MGST1: variants seen among roughly 807,000 people sequenced by gnomAD.
The protein encoded by MGST1 is microsomal glutathione S-transferase 1.
In MGST1, 5 loss-of-function variants were observed where a neutral mutation model predicts 8.9. That is an observed-to-expected ratio of 0.56 (90% CI 0.29 to 1.19). MGST1 has a LOEUF of 1.19. Ranked by LOEUF, MGST1 falls within the 50% of genes most tolerant of loss-of-function variation. The probability of loss-of-function intolerance (pLI) is 0.08; values close to 1 mark genes in which losing one functional copy is unlikely to be tolerated. For synonymous variants in MGST1, 54 were observed against 67.8 expected (o/e 0.80, Z 1.00); for missense variants, 182 against 187.4 (o/e 0.97, Z 0.17).
downstream of MGST1, among the ~76,000 whole-genome samples, chr12:16,365,754 C>T (rs932592927): frequency 2.6e-5 from 4 of 152,188 alleles, no homozygotes; most frequent in Non-Finnish European, 4.4e-5. Context: ...CACACACACA[C>T]ACACACACAC....
Position 16,363,726 on chromosome 12 carries a change from G to T in MGST1, c.222-69G>T. 1 of 1,322,888 alleles carries T rather than the reference G, an allele frequency of 7.6e-7. No homozygotes were observed. The highest frequency in any genetic ancestry group is 1.0e-6 in the Non-Finnish European group (1 of 990,790). The allele number at this position is 1,322,888 out of a possible 1,614,324, so 81.9% of individuals were successfully genotyped here. On this transcript the variant is annotated intron_variant, in intron 3 of 3. Transcript: ENST00000396210. The surrounding 1 kb of genome is among the most constrained non-coding windows in gnomAD (Gnocchi z 4.6). ...TAGTGCTCAGATTTAGTTTTTAGAA[G>T]AGAGAGAAAAAAGGATACATATCTA...
chr12:16,470,876 T>G (rs1057193043), intron 4 of MGST1, among the ~76,000 whole-genome samples: 1 of 152,226 alleles, frequency 6.6e-6, no homozygotes, highest in Non-Finnish European at 1.5e-5. Context: ...TTGAGATCAT[T>G]TAAAACAAAA....
chr12:16,398,064 T>C (rs982056297), intron 1 of MGST1, among the ~76,000 whole-genome samples: 1 of 147,394 alleles, frequency 6.8e-6, no homozygotes, highest in Admixed American at 6.9e-5. Context: ...TCTTATAGAG[T>C]TTTTTTTCCA....
chr12:16,458,792 ATTC>A lies in MGST1; in HGVS notation n.482+75194_482+75196del, dbSNP rs1565458763. On this transcript the variant is annotated intron_variant and non_coding_transcript_variant, in intron 4 of 4. Transcript: ENST00000538857. The surrounding 1 kb of genome is among the most constrained non-coding windows in gnomAD (Gnocchi z 4.0). Reference sequence around the variant, plus strand: ...TGCTTTGCAGTTATTCGGAATTTTTATTCTTCTTTATTAGATACAAGGTTTCCC... The same window carrying A: ...TGCTTTGCAGTTATTCGGAATTTTTATTCTTTATTAGATACAAGGTTTCCC... Among the ~76,000 whole-genome samples the A allele has an allele frequency of 6.6e-6, 1 of 151,930 alleles. No homozygotes were observed. Among genetic ancestry groups the A allele is most frequent in the Non-Finnish European group, 1.5e-5 (1 of 67,946 alleles).
intron 4 of MGST1, among the ~76,000 whole-genome samples, chr12:16,530,329 A>G (rs1012762923): frequency 2.0e-5 from 3 of 151,978 alleles, no homozygotes; most frequent in Admixed American, 6.6e-5. Flanking sequence ...TAAAATGTCA[A>G]GCTTTTGTTT....
intron 4 of MGST1, among the ~76,000 whole-genome samples, chr12:16,478,075 G>A (rs970569921): frequency 1.3e-5 from 2 of 152,176 alleles, no homozygotes; most frequent in Non-Finnish European, 2.9e-5. Context: ...CTGTGGCCAG[G>A]CTGGACTGCA....
At chr12:16,574,407 G>A (rs930639407) in intron 4 of MGST1, among the ~76,000 whole-genome samples, 1 of 151,982 alleles carries the variant, frequency 6.6e-6, no homozygotes, top group African/African-American at 2.4e-5. Context: ...CCCCAGTCAC[G>A]GATTTGCTGC....
In MGST1 at chr12:16,587,629, A is replaced by G. The variant is rs1305563578; in HGVS notation, n.483-1899A>G. ...TGTCAGTGTATCATTTTTTTAAGCAATGGACCCTATAATAGCAAGCACTGG... is the reference window on the plus strand; with the variant it reads ...TGTCAGTGTATCATTTTTTTAAGCAGTGGACCCTATAATAGCAAGCACTGG... On this transcript the variant is annotated intron_variant and non_coding_transcript_variant, in intron 4 of 4. Coordinates refer to the MGST1 transcript ENST00000538857. This position sits in a 1 kb window ranked among gnomAD's most constrained non-coding sequence, Gnocchi z 4.3. 1.3e-5 allele frequency among the ~76,000 whole-genome samples: 2 copies of G among 152,014 alleles called. No homozygotes were observed. Among genetic ancestry groups the G allele is most frequent in the East Asian group, 3.9e-4 (2 of 5,170 alleles).
intron 4 of MGST1, among the ~76,000 whole-genome samples, chr12:16,464,242 T>G (rs1389886594): frequency 6.6e-6 from 1 of 152,234 alleles, no homozygotes; most frequent in Non-Finnish European, 1.5e-5. Context: ...AAAGTACCAT[T>G]TATTTCATTA....
intron 1 of MGST1, among the ~76,000 whole-genome samples, chr12:16,407,317 G>A (rs1185357512): frequency 3.3e-5 from 5 of 152,096 alleles, no homozygotes; most frequent in Admixed American, 3.3e-4. Flanking sequence ...AGAAAAGCTT[G>A]ATATCACTGA....
At chr12:16,354,507 T>G (rs879008755) in intron 2 of MGST1, 129 bp downstream of exon 2, 1 of 844,548 alleles carries the variant, frequency 1.2e-6, no homozygotes, top group Non-Finnish European at 1.8e-6. Context: ...AAGTGAAGTA[T>G]GCCATCGTTT....
chr12:16,542,813 T>C (rs1326279832), intron 4 of MGST1, among the ~76,000 whole-genome samples: 1 of 152,178 alleles, frequency 6.6e-6, no homozygotes, highest in Non-Finnish European at 1.5e-5. Context: ...ATATATCTGT[T>C]CAACATCTGT....
Position 16,531,156 on chromosome 12 carries a change from C to CA in MGST1, n.483-58346dup, listed in dbSNP as rs5796677. Among the ~76,000 whole-genome samples, 22 of 46,544 alleles carry CA rather than the reference C, an allele frequency of 4.7e-4. 1 individual carries two copies. Among genetic ancestry groups the CA allele is most frequent in the African/African-American group, 1.5e-3 (19 of 12,430 alleles). 30.5% of individuals were successfully genotyped at this position (46,544 alleles called of 152,430 possible). On this transcript the variant is annotated intron_variant and non_coding_transcript_variant, in intron 4 of 4. Coordinates refer to the MGST1 transcript ENST00000538857. ...GAATTGTCTTCACCTTACCCCTGAC[C>CA]AAAAAAAAAAAAAAAAAAAAAAAAA...
intron 4 of MGST1, among the ~76,000 whole-genome samples, chr12:16,553,036 G>A (rs2137259060): frequency 6.6e-6 from 1 of 152,172 alleles, no homozygotes; most frequent in South Asian, 2.1e-4. Context: ...GAGTAGAAAT[G>A]AAATATCTAA....
intron 4 of MGST1, among the ~76,000 whole-genome samples, chr12:16,521,894 A>G (rs186122392): frequency 6.6e-6 from 1 of 152,240 alleles, no homozygotes; most frequent in East Asian, 1.9e-4. Context: ...CGAGAACACT[A>G]TTGTCAAGAG....
chr12:16,551,331 A>C lies in MGST1; in HGVS notation n.483-38197A>C, dbSNP rs776399918. The C allele has an allele frequency of 8.5e-6, 13 of 1,521,486 alleles. 1 individual carries two copies. The South Asian group carries it at 1.0e-4, about 12-fold the overall frequency. The allele number at this position is 1,521,486 out of a possible 1,614,324, so 94.2% of individuals were successfully genotyped here. ...AAATTTGTCTCCAACACAAAATCTG[A>C]AAATATTTTAAACAATAAAATGTGG... is the stretch of plus-strand genomic sequence containing the variant. On this transcript the variant is annotated intron_variant and non_coding_transcript_variant, in intron 4 of 4. Transcript: ENST00000538857.
chr12:16,402,073 T>A, intron 1 of MGST1: 1 of 1,560,156 alleles, frequency 6.4e-7, no homozygotes, highest in East Asian at 2.2e-5. Context: ...TTGTCAAAGC[T>A]ATTCTTACTA....
chr12:16,571,141 T>G (rs1292624409), intron 4 of MGST1, among the ~76,000 whole-genome samples: 1 of 152,120 alleles, frequency 6.6e-6, no homozygotes, highest in Non-Finnish European at 1.5e-5. Flanking sequence ...TGTTTTCTTT[T>G]AAGGTAAGTA....
intron 4 of MGST1, among the ~76,000 whole-genome samples, chr12:16,469,418 A>C (rs886576212): frequency 4.6e-5 from 7 of 152,012 alleles, no homozygotes; most frequent in Non-Finnish European, 7.4e-5. Context: ...CAAACTCCTG[A>C]CTTCAGATGA....
Sources: gnomAD v4.1 joint callset for allele counts (sites outside exome capture counted in the v4.1 genomes callset) on GRCh38, gnomAD v4.1.1 for gene constraint, Gnocchi (gnomAD v3.1) non-coding constraint, MANE v1.5 for transcripts, NCBI Gene and HGNC (gene_info 2026-07-23, HGNC 2026-07-21) for gene names.